The following SRGAP2 variants were observed in gnomAD, a reference collection of about 807,000 sequenced individuals.
SRGAP2 encodes SLIT-ROBO Rho GTPase activating protein 2, also known as SLIT-ROBO Rho GTPase-activating protein 2.
A neutral mutation model predicts 57.2 loss-of-function variants in SRGAP2; 15 were observed. That is an observed-to-expected ratio of 0.26 (90% CI 0.18 to 0.40). SRGAP2 has a LOEUF of 0.40. Ranked by LOEUF, SRGAP2 falls within the 10% of genes least tolerant of loss-of-function variation. The pLI, the probability that SRGAP2 is intolerant of heterozygous loss-of-function variation, is 1.00. For missense variants in SRGAP2, 520 were observed against 669.6 expected, an observed-to-expected ratio of 0.78 and a Z score of 2.47; for synonymous variants, 249 against 248.0, an observed-to-expected ratio of 1.00 and a Z score of -0.04.
chr1:206,204,914 C>CG (rs1553300721), intron 1 of SRGAP2: 3 of 137,764 alleles, frequency 2.2e-5, no homozygotes, highest in African/African-American at 9.6e-5. Flanking sequence ...TTTGCCCCCC[C>CG]CCCCATCAAC....
At chr1:206,313,740 A>T (rs1672844524) in intron 3 of SRGAP2, among the ~76,000 whole-genome samples, 1 of 152,104 alleles carries the variant, frequency 6.6e-6, no homozygotes, top group Non-Finnish European at 1.5e-5. Flanking sequence ...ATGACAAGAA[A>T]CATGAGACCA....
chr1:206,243,310 A>G (rs1391711691), intron 2 of SRGAP2, among the ~76,000 whole-genome samples: 1 of 129,248 alleles, frequency 7.7e-6, no homozygotes, highest in Non-Finnish European at 1.6e-5. Flanking sequence ...AGGGAATAAA[A>G]CCACTACTCT....
chr1:206,415,882 C>T lies in SRGAP2; in HGVS notation c.1357-7C>T, dbSNP rs1659660182. On this transcript the variant is annotated splice_region_variant and splice_polypyrimidine_tract_variant and intron_variant, in intron 10 of 22. Transcript: ENST00000573034. ...TGATTGCTCTTTTTCCTCCTCCTCT[C>T]TTACAGAAAATGAAAGAGTACCTGG... The T allele has an allele frequency of 7.7e-6, 6 of 778,176 alleles. No homozygotes were observed. The highest frequency in any genetic ancestry group is 5.1e-5 in the Admixed American group (3 of 58,684). The allele number at this position is 778,176 out of a possible 1,614,324, so 48.2% of individuals were successfully genotyped here. A position where few individuals can be genotyped will look rare whatever the true frequency, so the allele number is the denominator to read the frequency against.
At chr1:206,303,888 TCACACA>T (rs1172123806) in intron 3 of SRGAP2, among the ~76,000 whole-genome samples, 7,348 of 138,430 alleles carry the variant, frequency 0.053, 101 homozygotes, top group Non-Finnish European at 0.081. Flanking sequence ...TCTCTCTCTC[TCACACA>T]CACACACACA....
intron 14 of SRGAP2, among the ~76,000 whole-genome samples, chr1:206,431,767 A>G (rs1316344988): frequency 4.6e-5 from 7 of 152,204 alleles, no homozygotes; most frequent in Non-Finnish European, 1.5e-5. Flanking sequence ...GGGGATGGAG[A>G]AGGAAGAGGG....
At chr1:206,346,723 G>T (rs1675657691) in intron 4 of SRGAP2, among the ~76,000 whole-genome samples, 1 of 152,096 alleles carries the variant, frequency 6.6e-6, no homozygotes, top group South Asian at 2.1e-4. Context: ...GGGTCTGTTT[G>T]TCACTAGCAA....
chr1:206,373,122 G>A (rs1553343081), intron 4 of SRGAP2, among the ~76,000 whole-genome samples: 1 of 90,402 alleles, frequency 1.1e-5, no homozygotes, highest in South Asian at 3.7e-4. Context: ...TTTTTTCTGA[G>A]TCTTGCTCTG....
intron 4 of SRGAP2, among the ~76,000 whole-genome samples, chr1:206,347,681 T>C (rs1302972284): frequency 1.3e-5 from 2 of 151,066 alleles, no homozygotes; most frequent in Non-Finnish European, 1.5e-5. Flanking sequence ...CATACTGTAT[T>C]AGGATTCTCT....
chr1:206,298,442 A>G (rs1671704475), intron 2 of SRGAP2, among the ~76,000 whole-genome samples: 1 of 152,218 alleles, frequency 6.6e-6, no homozygotes, highest in African/African-American at 2.4e-5. Flanking sequence ...TCACTGGCAG[A>G]TGGTGCTCAA....
chr1:206,240,409 T>C (rs1442066352), intron 2 of SRGAP2, among the ~76,000 whole-genome samples: 1 of 152,184 alleles, frequency 6.6e-6, no homozygotes, highest in African/African-American at 2.4e-5. Context: ...GTAAATGTGC[T>C]GTACTCGTCA....
intron 19 of SRGAP2, 106 bp downstream of exon 19, chr1:206,450,571 G>C: frequency 3.0e-6 from 2 of 657,256 alleles, no homozygotes; most frequent in Non-Finnish European, 5.6e-6. Flanking sequence ...GCGGTCCCCT[G>C]AGGGCAGGCA....
chr1:206,324,619 G>A (rs1334581840), intron 3 of SRGAP2, among the ~76,000 whole-genome samples: 1 of 152,094 alleles, frequency 6.6e-6, no homozygotes, highest in African/African-American at 2.4e-5. Context: ...GGAGTGAGTA[G>A]ACACTCCCTG....
intron 5 of SRGAP2, among the ~76,000 whole-genome samples, chr1:206,387,080 C>T (rs1273302456): frequency 2.3e-4 from 32 of 137,216 alleles, no homozygotes; most frequent in African/African-American, 8.1e-4. Flanking sequence ...GAGCCAAGAT[C>T]GTGCCACTGC....
At chr1:206,357,650 C>T (rs1195709153) in intron 4 of SRGAP2, among the ~76,000 whole-genome samples, 2 of 129,584 alleles carry the variant, frequency 1.5e-5, no homozygotes, top group African/African-American at 5.9e-5. Flanking sequence ...GTGGCGTGAT[C>T]TTGGCTCACT....
chr1:206,411,890 A>G (rs1553359785), intron 10 of SRGAP2, among the ~76,000 whole-genome samples: 3 of 152,224 alleles, frequency 2.0e-5, no homozygotes, highest in Non-Finnish European at 4.4e-5. Flanking sequence ...TTTTAGGTTC[A>G]CTGAGGAGGT....
In SRGAP2 at chr1:206,354,341, G is replaced by A. The variant is rs574582567; in HGVS notation, c.423+11333G>A. ...GGGCTTGGCTTTATACTTCATTACAGTGGGTATATTTTGGTTTTGCCCTTC... is the reference window on the plus strand; with the variant it reads ...GGGCTTGGCTTTATACTTCATTACAATGGGTATATTTTGGTTTTGCCCTTC... On this transcript the variant is annotated intron_variant, in intron 4 of 22. Coordinates refer to ENST00000573034, the MANE Select transcript of SRGAP2 (RefSeq NM_015326.5). Among the ~76,000 whole-genome samples, 683 of 152,290 alleles carry A rather than the reference G, an allele frequency of 4.5e-3. 2 individuals carry two copies. Among genetic ancestry groups the A allele is most frequent in the Middle Eastern group, 0.017 (5 of 294 alleles).
intron 2 of SRGAP2, among the ~76,000 whole-genome samples, chr1:206,273,744 A>T (rs1382620802): frequency 6.8e-6 from 1 of 146,336 alleles, no homozygotes; most frequent in Non-Finnish European, 1.5e-5. Flanking sequence ...TAAGGCTTCT[A>T]GGGGAACTCT....
At chr1:206,332,840 C>A (rs370356707) in intron 3 of SRGAP2, among the ~76,000 whole-genome samples, 5 of 151,194 alleles carry the variant, frequency 3.3e-5, no homozygotes, top group Non-Finnish European at 5.9e-5. Flanking sequence ...AGCTTTGTTC[C>A]GTTGCTGGTG....
At chr1:206,437,185 C>T (rs1661839392) in intron 15 of SRGAP2, 143 bp downstream of exon 15, 5 of 648,632 alleles carry the variant, frequency 7.7e-6, no homozygotes, top group Middle Eastern at 2.5e-4. Flanking sequence ...GTCTTGTACA[C>T]ATTCCCCTGT....
Sources: gnomAD v4.1 joint callset for allele counts (sites outside exome capture counted in the v4.1 genomes callset) on GRCh38, gnomAD v4.1.1 for gene constraint, MANE v1.5 for transcripts, NCBI Gene and HGNC (gene_info 2026-07-23, HGNC 2026-07-21) for gene names.